CNTN5: variants seen among roughly 807,000 people sequenced by gnomAD.
CNTN5 encodes contactin-5.
A neutral mutation model predicts 129.1 loss-of-function variants in CNTN5; 77 were observed. The observed-to-expected ratio is 0.60, with a 90% confidence interval of 0.50 to 0.72. The LOEUF is 0.72. Among genes scored for constraint, CNTN5 ranks in the 30% least tolerant of loss-of-function variants. The pLI is 0.00. For missense variants in CNTN5, 1,478 were observed against 1,328.8 expected (o/e 1.11, Z -1.75); for synonymous variants, 509 against 465.6 (o/e 1.09, Z -1.20).
At chr11:99,557,890 A>G (rs955432267) in intron 3 of CNTN5, among the ~76,000 whole-genome samples, 1 of 151,810 alleles carries the variant, frequency 6.6e-6, no homozygotes, top group Non-Finnish European at 1.5e-5. Context: ...TGCTTTTACA[A>G]GATATATAAA....
intron 6 of CNTN5, among the ~76,000 whole-genome samples, chr11:99,882,710 A>T (rs1256094865): frequency 6.6e-6 from 1 of 152,182 alleles, no homozygotes; most frequent in Non-Finnish European, 1.5e-5. Flanking sequence ...TGTTAAAAAC[A>T]ATCCAATTAT....
chr11:99,612,710 T>A (rs1021727341), intron 3 of CNTN5, among the ~76,000 whole-genome samples: 1 of 152,220 alleles, frequency 6.6e-6, no homozygotes, highest in Non-Finnish European at 1.5e-5. Flanking sequence ...AACTTCACTT[T>A]ATGCATTCAA....
At chr11:99,117,685 T>C (rs1858107554) in intron 1 of CNTN5, among the ~76,000 whole-genome samples, 1 of 152,140 alleles carries the variant, frequency 6.6e-6, no homozygotes, top group Non-Finnish European at 1.5e-5. Context: ...TAGCTTTAGA[T>C]GACATTCATG....
chr11:99,220,481 CATG>C (rs1282046003), intron 1 of CNTN5, among the ~76,000 whole-genome samples: 30 of 151,860 alleles, frequency 2.0e-4, no homozygotes, highest in African/African-American at 7.2e-4. Flanking sequence ...CTCTTAAATG[CATG>C]ATACTCCTTG....
chr11:99,523,688 A>T (rs538263656), intron 2 of CNTN5, among the ~76,000 whole-genome samples: 1 of 83,486 alleles, frequency 1.2e-5, no homozygotes, highest in African/African-American at 5.5e-5. Flanking sequence ...ACAGAACAGA[A>T]CAGAACAGAA....
At chr11:99,491,734 A>G (rs751703152) in intron 2 of CNTN5, among the ~76,000 whole-genome samples, 1 of 152,178 alleles carries the variant, frequency 6.6e-6, no homozygotes, top group Non-Finnish European at 1.5e-5. Flanking sequence ...CTCAATGAGG[A>G]ACATGAAATC....
chr11:99,443,525 A>G (rs1379459384), intron 2 of CNTN5, among the ~76,000 whole-genome samples: 1 of 152,228 alleles, frequency 6.6e-6, no homozygotes, highest in Admixed American at 6.5e-5. Flanking sequence ...CGCCATGAAA[A>G]ATGCAAACTG....
intron 21 of CNTN5, among the ~76,000 whole-genome samples, chr11:100,333,389 A>G (rs1280288953): frequency 1.5e-5 from 2 of 133,636 alleles, no homozygotes; most frequent in African/African-American, 2.9e-5. Flanking sequence ...AAATACCACC[A>G]TCATTCTTCA....
intron 2 of CNTN5, among the ~76,000 whole-genome samples, chr11:99,508,190 T>C (rs901630011): frequency 1.3e-5 from 2 of 152,196 alleles, no homozygotes; most frequent in African/African-American, 2.4e-5. Context: ...GTGATCTCGC[T>C]GAGCCACTCC....
intron 1 of CNTN5, among the ~76,000 whole-genome samples, chr11:99,322,499 T>C (rs1006283879): frequency 6.6e-6 from 1 of 152,282 alleles, no homozygotes; most frequent in Non-Finnish European, 1.5e-5. Flanking sequence ...AAGCGGTCAT[T>C]TGAAGCATAG....
chr11:100,246,338 T>G (rs1949838993), intron 16 of CNTN5, among the ~76,000 whole-genome samples: 7 of 152,170 alleles, frequency 4.6e-5, no homozygotes, highest in Admixed American at 4.6e-4. Flanking sequence ...GAAATTTTCT[T>G]AAACCTTTTG....
chr11:99,459,633 TA>T (rs1944618385), intron 2 of CNTN5, among the ~76,000 whole-genome samples: 1 of 152,042 alleles, frequency 6.6e-6, no homozygotes, highest in South Asian at 2.1e-4. Flanking sequence ...TTCAGGAATA[TA>T]TTTTTTTCTA....
intron 2 of CNTN5, among the ~76,000 whole-genome samples, chr11:99,405,413 T>C (rs1942029340): frequency 6.6e-6 from 1 of 152,054 alleles, no homozygotes; most frequent in South Asian, 2.1e-4. Flanking sequence ...TTCTTATCTC[T>C]CTTCTTTGTG....
chr11:100,246,388 T>C lies in CNTN5; in HGVS notation c.2006-9372T>C, dbSNP rs577659599. 4.6e-5 allele frequency among the ~76,000 whole-genome samples: 7 copies of C among 152,028 alleles called. No individual in the cohort carries two copies. The South Asian group carries it at 1.5e-3, about 32-fold the overall frequency. ...GAAATAAAATTATTCTGACTCTTTG[T>C]CCAAATCTCTTTTCTTTAGATCATT... On this transcript the variant is annotated intron_variant, in intron 16 of 24. Transcript: ENST00000524871.
At chr11:100,001,151 TG>T (rs1305995265) in intron 8 of CNTN5, among the ~76,000 whole-genome samples, 1 of 152,078 alleles carries the variant, frequency 6.6e-6, no homozygotes, top group African/African-American at 2.4e-5. Flanking sequence ...CAACAGAAAA[TG>T]GGGTTTTTCT....
chr11:99,506,455 C>T (rs1180475611), intron 2 of CNTN5, among the ~76,000 whole-genome samples: 2 of 152,106 alleles, frequency 1.3e-5, no homozygotes, highest in Non-Finnish European at 2.9e-5. Context: ...TGTCTTGTGT[C>T]CACCTTTCCA....
At chr11:100,112,793 T>A (rs912420512) in intron 13 of CNTN5, among the ~76,000 whole-genome samples, 1 of 152,140 alleles carries the variant, frequency 6.6e-6, no homozygotes. Flanking sequence ...ATGACATAAT[T>A]TAAAGCTGAG....
intron 16 of CNTN5, among the ~76,000 whole-genome samples, chr11:100,235,335 G>A (rs1949587091): frequency 6.6e-6 from 1 of 152,198 alleles, no homozygotes; most frequent in Non-Finnish European, 1.5e-5. Context: ...ATCAGTCAGA[G>A]TGATGGAGAA....
chr11:99,277,340 C>A (rs867684234), intron 1 of CNTN5, among the ~76,000 whole-genome samples: 52 of 151,608 alleles, frequency 3.4e-4, no homozygotes, highest in African/African-American at 1.2e-3. Context: ...AGCTTCATAT[C>A]ATTTCTCAGT....
Sources: allele counts gnomAD v4.1 joint callset (sites outside exome capture counted in the v4.1 genomes callset), GRCh38; gene constraint gnomAD v4.1.1; transcripts MANE v1.5; gene names NCBI Gene and HGNC (gene_info 2026-07-23, HGNC 2026-07-21).